Variants in GNG2 observed in about 807,000 individuals in gnomAD.
GNG2 encodes guanine nucleotide-binding protein G(I)/G(S)/G(O) subunit gamma-2.
In GNG2, 5 loss-of-function variants were observed where a neutral mutation model predicts 5.5. That is an observed-to-expected ratio of 0.91 (90% confidence interval 0.48 to 1.92). GNG2 has a LOEUF of 1.92. GNG2 is among the 30% of genes most tolerant of loss of function. The pLI is 0.01. For missense variants in GNG2, 55 were observed against 88.4 expected (o/e 0.62, Z 1.52); for synonymous variants, 28 against 32.0 (o/e 0.88, Z 0.42).
At chr14:51,876,451 A>G (rs1883671038) in intron 1 of GNG2, among the ~76,000 whole-genome samples, 1 of 152,200 alleles carries the variant, frequency 6.6e-6, no homozygotes, top group South Asian at 2.1e-4. Context: ...AAACAGGACC[A>G]GACGGCTTTC....
At chr14:51,961,549 T>G (rs1889615565) in intron 3 of GNG2, among the ~76,000 whole-genome samples, 1 of 152,194 alleles carries the variant, frequency 6.6e-6, no homozygotes, top group Admixed American at 6.5e-5. Flanking sequence ...ACAAACGATG[T>G]CCGTAATTAT....
At chr14:51,957,103 A>C (rs1889319559) in intron 3 of GNG2, among the ~76,000 whole-genome samples, 1 of 151,854 alleles carries the variant, frequency 6.6e-6, no homozygotes, top group African/African-American at 2.4e-5. Flanking sequence ...GCAATTGCTA[A>C]TCTGGGGAGA....
chr14:51,949,013 C>T (rs1309343454), intron 2 of GNG2, among the ~76,000 whole-genome samples: 1 of 151,382 alleles, frequency 6.6e-6, no homozygotes, highest in East Asian at 1.9e-4. Context: ...CCCAGCTTCT[C>T]AGGAGGCTGA....
intron 1 of GNG2, among the ~76,000 whole-genome samples, chr14:51,867,147 G>T (rs1438142823): frequency 6.6e-6 from 1 of 152,138 alleles, no homozygotes; most frequent in Non-Finnish European, 1.5e-5. Flanking sequence ...ACTAACTTCA[G>T]TTCCTGCTCC....
chr14:51,937,420 T>A (rs1888073187), intron 2 of GNG2, among the ~76,000 whole-genome samples: 1 of 152,138 alleles, frequency 6.6e-6, no homozygotes, highest in Admixed American at 6.5e-5. Flanking sequence ...TTATGTATAT[T>A]AGTTAATATT....
At chr14:51,867,407 C>T (rs908212719) in intron 1 of GNG2, among the ~76,000 whole-genome samples, 2 of 152,268 alleles carry the variant, frequency 1.3e-5, no homozygotes, top group Middle Eastern at 3.4e-3. Context: ...CTTTCCCACT[C>T]CTCAAAACCA....
At chr14:51,937,336 A>G (rs8009132) in intron 2 of GNG2, among the ~76,000 whole-genome samples, 21,492 of 152,088 alleles carry the variant, frequency 0.14, 2,431 homozygotes, top group East Asian at 0.42. Context: ...ATGGAGCAGG[A>G]TGGTAAATCT....
intron 2 of GNG2, among the ~76,000 whole-genome samples, chr14:51,854,793 G>T (rs748044152): frequency 1.3e-5 from 2 of 152,092 alleles, no homozygotes; most frequent in Non-Finnish European, 2.9e-5. Context: ...GATTACAGGC[G>T]TGAGCCACCG....
chr14:51,900,461 A>G (rs1370585902), intron 2 of GNG2, among the ~76,000 whole-genome samples: 1 of 151,752 alleles, frequency 6.6e-6, no homozygotes, highest in East Asian at 1.9e-4. Context: ...GCCAAGTTAT[A>G]TTCAACACTG....
At chr14:51,845,717 A>G (rs903844281) in intron 2 of GNG2, among the ~76,000 whole-genome samples, 4 of 152,144 alleles carry the variant, frequency 2.6e-5, no homozygotes, top group Non-Finnish European at 5.9e-5. Context: ...TCCCATGGTA[A>G]ATAAACCTGG....
intron 2 of GNG2, among the ~76,000 whole-genome samples, chr14:51,945,320 G>T (rs1207195088): frequency 2.0e-5 from 3 of 151,954 alleles, no homozygotes; most frequent in Non-Finnish European, 4.4e-5. Flanking sequence ...AAGAAAATGT[G>T]GTATATACAT....
intron 2 of GNG2, among the ~76,000 whole-genome samples, chr14:51,844,156 G>A (rs1485663867): frequency 1.3e-5 from 2 of 152,232 alleles, no homozygotes; most frequent in East Asian, 1.9e-4. Flanking sequence ...GAAACATGGA[G>A]CAGTTTTATC....
At chr14:51,945,647 T>G (rs536821838) in intron 2 of GNG2, among the ~76,000 whole-genome samples, 2 of 152,352 alleles carry the variant, frequency 1.3e-5, no homozygotes, top group Non-Finnish European at 2.9e-5. Context: ...TTAATACCAC[T>G]GAACTATATG....
At chr14:51,835,030 A>G (rs191970999) in intron 2 of GNG2, among the ~76,000 whole-genome samples, 1 of 152,330 alleles carries the variant, frequency 6.6e-6, no homozygotes, top group East Asian at 1.9e-4. Flanking sequence ...ACTTAATAGA[A>G]GGTGAAGGAT....
intron 2 of GNG2, among the ~76,000 whole-genome samples, chr14:51,849,461 C>T (rs1283210674): frequency 1.3e-5 from 2 of 152,062 alleles, no homozygotes; most frequent in Non-Finnish European, 1.5e-5. Flanking sequence ...TAATTGAGGG[C>T]CATCTTGGAG....
chr14:51,889,741 G>A (rs1005109415), intron 2 of GNG2, among the ~76,000 whole-genome samples: 1 of 152,166 alleles, frequency 6.6e-6, no homozygotes, highest in African/African-American at 2.4e-5. Context: ...AAATAAAAAT[G>A]TGACATCTAG....
At chr14:51,924,912 G>A (rs1266076908) in intron 2 of GNG2, among the ~76,000 whole-genome samples, 1 of 152,150 alleles carries the variant, frequency 6.6e-6, no homozygotes, top group Non-Finnish European at 1.5e-5. Flanking sequence ...CTGTGTACAG[G>A]GCACTATTCT....
chr14:51,944,726 A>C (rs2140272879), intron 2 of GNG2, among the ~76,000 whole-genome samples: 1 of 152,370 alleles, frequency 6.6e-6, no homozygotes, highest in Non-Finnish European at 1.5e-5. Flanking sequence ...CAAAAGCTTC[A>C]TGACATTGAA....
chr14:51,845,688 T>C (rs767726182), intron 2 of GNG2, among the ~76,000 whole-genome samples: 15 of 152,276 alleles, frequency 9.9e-5, no homozygotes, highest in South Asian at 2.1e-4. Context: ...GATGTCAGAA[T>C]ATCAAAAGCC....
Sources: gnomAD v4.1 joint callset for allele counts (sites outside exome capture counted in the v4.1 genomes callset) on GRCh38, gnomAD v4.1.1 for gene constraint, MANE v1.5 for transcripts, NCBI Gene and HGNC (gene_info 2026-07-23, HGNC 2026-07-21) for gene names.